SLC67A2: variants seen among roughly 807,000 people sequenced by gnomAD.
SLC67A2 encodes the protein solute carrier family 67 member 2, also known as solute carrier family 67 member A2.
At chr2:102,726,091 A>G in the SLC67A2 span, among the ~76,000 whole-genome samples, 2 of 152,222 alleles carry the variant, frequency 1.3e-5, no homozygotes, top group African/African-American at 2.4e-5. Flanking sequence ...AATAAAAGCT[A>G]GTTCAAAATG....
At chr2:102,723,797 G>T in the SLC67A2 span, 1 of 1,614,184 alleles carries the variant, frequency 6.2e-7, no homozygotes, top group Non-Finnish European at 8.5e-7. Flanking sequence ...GGCCCAAGAT[G>T]AAGCCCACAC....
chr2:102,720,764 G>A, the SLC67A2 span, among the ~76,000 whole-genome samples: 8 of 152,276 alleles, frequency 5.3e-5, no homozygotes, highest in Admixed American at 4.6e-4. Context: ...CTAACCATAT[G>A]AACAGAAATC....
the SLC67A2 span, chr2:102,732,370 G>C: frequency 6.2e-7 from 1 of 1,613,604 alleles, no homozygotes; most frequent in Non-Finnish European, 8.5e-7. Flanking sequence ...TTGACATGAA[G>C]GCTCAATAAA....
At chr2:102,714,994 G>C in the SLC67A2 span, among the ~76,000 whole-genome samples, 17 of 152,140 alleles carry the variant, frequency 1.1e-4, no homozygotes, top group Non-Finnish European at 1.9e-4. Context: ...GCAACCCTTT[G>C]AAATTCCTCA....
the SLC67A2 span, chr2:102,732,237 G>A: frequency 5.2e-5 from 59 of 1,131,360 alleles, no homozygotes; most frequent in Non-Finnish European, 6.6e-5. Context: ...ATAATATTTG[G>A]ATACAAAATT....
the SLC67A2 span, among the ~76,000 whole-genome samples, chr2:102,723,196 C>T: frequency 1.3e-5 from 2 of 152,194 alleles, no homozygotes; most frequent in Middle Eastern, 3.2e-3. Flanking sequence ...TTGGGCTGGG[C>T]GCAGTGGCTC....
the SLC67A2 span, among the ~76,000 whole-genome samples, chr2:102,735,323 A>G: frequency 6.6e-6 from 1 of 152,212 alleles, no homozygotes. Flanking sequence ...CAATTTGATG[A>G]ACATGCTTTC....
chr2:102,723,882 G>A, the SLC67A2 span: 1 of 1,614,062 alleles, frequency 6.2e-7, no homozygotes, highest in Non-Finnish European at 8.5e-7. Flanking sequence ...TAGAGCCCTT[G>A]AGATGGAGAG....
the SLC67A2 span, chr2:102,718,288 G>T: frequency 9.4e-7 from 1 of 1,067,434 alleles, no homozygotes; most frequent in Non-Finnish European, 1.4e-6. Flanking sequence ...TGACCTGGAA[G>T]CCCAACAGCT....
chr2:102,736,598 G>C, the SLC67A2 span: 2 of 1,613,342 alleles, frequency 1.2e-6, no homozygotes, highest in African/African-American at 2.7e-5. Context: ...GGGTCCCCAG[G>C]CCCGAACACA....
At chr2:102,736,668 C>A in the SLC67A2 span, 3 of 1,613,998 alleles carry the variant, frequency 1.9e-6, no homozygotes, top group Non-Finnish European at 2.5e-6. Flanking sequence ...CAAGTAGAGA[C>A]AGAGCAGGAA....
the SLC67A2 span, chr2:102,726,845 C>T: frequency 6.4e-7 from 1 of 1,570,166 alleles, no homozygotes; most frequent in Non-Finnish European, 8.6e-7. Context: ...AGTCACTCAC[C>T]TGCCGGGACT....
the SLC67A2 span, chr2:102,732,024 C>G: frequency 3.9e-6 from 2 of 518,920 alleles, no homozygotes; most frequent in Non-Finnish European, 7.5e-6. Flanking sequence ...ATGTACCTAC[C>G]CTTTTATACA....
the SLC67A2 span, among the ~76,000 whole-genome samples, chr2:102,721,671 G>GTC: frequency 6.6e-6 from 1 of 151,692 alleles, no homozygotes; most frequent in African/African-American, 2.4e-5. Flanking sequence ...GTGTGTGTGT[G>GTC]TGTGTGTGTG....
chr2:102,715,997 T>G, the SLC67A2 span: 2 of 152,186 alleles, frequency 1.3e-5, no homozygotes, highest in Admixed American at 6.5e-5. Context: ...GCTTCAGTGT[T>G]CACAGGTCTC....
chr2:102,716,661 C>T, the SLC67A2 span: 1 of 152,108 alleles, frequency 6.6e-6, no homozygotes, highest in Non-Finnish European at 1.5e-5. Context: ...TACTGCTTTA[C>T]AAACAATAAA....
chr2:102,730,194 G>A, the SLC67A2 span, among the ~76,000 whole-genome samples: 23 of 152,156 alleles, frequency 1.5e-4, no homozygotes, highest in Non-Finnish European at 2.4e-4. Context: ...TGACAAGGTC[G>A]CCACTGAATC....
the SLC67A2 span, among the ~76,000 whole-genome samples, chr2:102,727,891 C>T: frequency 6.6e-6 from 1 of 152,102 alleles, no homozygotes; most frequent in African/African-American, 2.4e-5. Context: ...TTATGTTTGC[C>T]TTTTTTCCTG....
At chr2:102,723,920 A>T in the SLC67A2 span, 2 of 1,606,200 alleles carry the variant, frequency 1.2e-6, no homozygotes, top group Non-Finnish European at 1.7e-6. Flanking sequence ...CTGCAAGGGG[A>T]TGAGAAACAT....
Sources: gnomAD v4.1 joint callset for allele counts (sites outside exome capture counted in the v4.1 genomes callset) on GRCh38, gnomAD v4.1.1 for gene constraint, MANE v1.5 for transcripts, NCBI Gene and HGNC (gene_info 2026-07-23, HGNC 2026-07-21) for gene names.